Variants in CNTNAP2 observed in about 807,000 individuals in gnomAD.
CNTNAP2 encodes the protein contactin-associated protein-like 2.
In CNTNAP2, 98 loss-of-function variants were observed where a neutral mutation model predicts 155.2. The observed-to-expected ratio is 0.63, with a 90% confidence interval of 0.54 to 0.75. CNTNAP2 has a LOEUF of 0.75. Ranked by LOEUF, CNTNAP2 falls within the 30% of genes least tolerant of loss-of-function variation. CNTNAP2 has a pLI of 0.00. For synonymous variants in CNTNAP2, 651 were observed against 631.2 expected (o/e 1.03, Z -0.47); for missense variants, 1,727 against 1,688.1 (o/e 1.02, Z -0.40).
chr7:146,459,051 T>G (rs1796598372), intron 1 of CNTNAP2, among the ~76,000 whole-genome samples: 1 of 152,100 alleles, frequency 6.6e-6, no homozygotes, highest in African/African-American at 2.4e-5. Flanking sequence ...TACTTAACAA[T>G]CAGAAGGCAA....
chr7:146,976,162 G>A (rs1284141197), intron 3 of CNTNAP2, among the ~76,000 whole-genome samples: 1 of 152,322 alleles, frequency 6.6e-6, no homozygotes, highest in East Asian at 1.9e-4. Flanking sequence ...GGCCAGGTGT[G>A]AGGTAAAAAC....
At chr7:146,393,462 G>C (rs982019370) in intron 1 of CNTNAP2, among the ~76,000 whole-genome samples, 1 of 152,124 alleles carries the variant, frequency 6.6e-6, no homozygotes, top group South Asian at 2.1e-4. Context: ...GTCTTGCATT[G>C]TGAGGTTAAT....
intron 1 of CNTNAP2, among the ~76,000 whole-genome samples, chr7:146,650,689 TAAAG>T (rs1248372890): frequency 1.3e-5 from 2 of 152,028 alleles, no homozygotes; most frequent in Non-Finnish European, 2.9e-5. Flanking sequence ...TAAAGTATAA[TAAAG>T]AAATATATAA....
Position 147,420,484 on chromosome 7 carries a change from A to G in CNTNAP2, c.1670+24704A>G, listed in dbSNP as rs113045750. Among the ~76,000 whole-genome samples the G allele has an allele frequency of 4.9e-4, 75 of 152,322 alleles. 1 individual carries two copies. The highest frequency in any genetic ancestry group is 1.8e-3 in the African/African-American group (73 of 41,574). On this transcript the variant is annotated intron_variant, in intron 10 of 23. Coordinates refer to ENST00000361727, the MANE Select transcript of CNTNAP2 (RefSeq NM_014141.6). ...CTCCCCAAGTATTTCCAAATAATTA[A>G]TGTATTCATTGAATGATATTTATTG... is the stretch of plus-strand genomic sequence containing the variant.
chr7:146,540,970 C>CT (rs1432328312), intron 1 of CNTNAP2, among the ~76,000 whole-genome samples: 1 of 151,970 alleles, frequency 6.6e-6, no homozygotes, highest in African/African-American at 2.4e-5. Flanking sequence ...TAACTTGTCT[C>CT]TATCATTTTT....
rs917959230 is a variant in CNTNAP2, at chr7:147,346,157, T to A, written c.1498+45867T>A. On this transcript the variant is annotated intron_variant, in intron 9 of 23. Coordinates refer to ENST00000361727, the MANE Select transcript of CNTNAP2 (RefSeq NM_014141.6). Reference sequence around the variant, plus strand: ...TATTTTATTTTATTTTATTTTATTTTTTTTTTTTGAGACAGAGTCTCGCTC... The same window carrying A: ...TATTTTATTTTATTTTATTTTATTTATTTTTTTTGAGACAGAGTCTCGCTC... Among the ~76,000 whole-genome samples the A allele has an allele frequency of 1.1e-4, 16 of 149,580 alleles. 1 individual carries two copies. Among genetic ancestry groups the A allele is most frequent in the Admixed American group, 2.0e-4 (3 of 15,062 alleles).
intron 12 of CNTNAP2, among the ~76,000 whole-genome samples, chr7:147,567,789 A>T (rs972396941): frequency 2.7e-5 from 4 of 150,022 alleles, no homozygotes; most frequent in African/African-American, 4.9e-5. Flanking sequence ...TGAACACATT[A>T]AAAAAAAAAT....
intron 13 of CNTNAP2, among the ~76,000 whole-genome samples, chr7:147,801,118 T>C (rs1195893943): frequency 6.6e-6 from 1 of 152,170 alleles, no homozygotes; most frequent in Non-Finnish European, 1.5e-5. Context: ...ATGTGTGCTC[T>C]GTTTATTATC....
In CNTNAP2 at chr7:148,383,826, C is replaced by A; in HGVS notation, c.3653C>A (p.Pro1218Gln). 6.2e-7 allele frequency: 1 copy of A among 1,614,114 alleles called. No homozygotes were observed. The highest frequency in any genetic ancestry group is 1.6e-4 in the Middle Eastern group (1 of 6,062). The change falls in exon 22 of 24, where the codon CCG becomes CAG. Residue 1218 changes from proline to glutamine, a missense_variant. Coordinates refer to ENST00000361727, the MANE Select transcript of CNTNAP2 (RefSeq NM_014141.6). ...GTGGAGTCCAACTGCGGGGCCTCGC[C>A]GCTGACCCTCTCCCCCATGTCGTCC... ...ELVESNCGAS[P>Q]LTLSPMSSAT... is the part of the protein sequence containing the mutation.
chr7:146,761,750 G>A (rs1016334172), intron 1 of CNTNAP2, among the ~76,000 whole-genome samples: 1 of 151,832 alleles, frequency 6.6e-6, no homozygotes, highest in East Asian at 1.9e-4. Context: ...TTTCAATTGC[G>A]ATTATCCCAT....
At chr7:146,254,159 ACACAAG>A (rs61281852) in intron 1 of CNTNAP2, among the ~76,000 whole-genome samples, 3,378 of 138,046 alleles carry the variant, frequency 0.024, 135 homozygotes, top group African/African-American at 0.095. Flanking sequence ...ACACACACAC[ACACAAG>A]CAAACACACA....
chr7:146,855,519 A>C (rs1794956838), intron 3 of CNTNAP2, among the ~76,000 whole-genome samples: 1 of 152,084 alleles, frequency 6.6e-6, no homozygotes, highest in African/African-American at 2.4e-5. Context: ...GATAAAATAT[A>C]AGTTGACATG....
chr7:146,408,918 C>T (rs571037134), intron 1 of CNTNAP2, among the ~76,000 whole-genome samples: 23 of 151,896 alleles, frequency 1.5e-4, no homozygotes, highest in African/African-American at 5.3e-4. Flanking sequence ...AAATCCACAC[C>T]GAATTCACAT....
intron 8 of CNTNAP2, among the ~76,000 whole-genome samples, chr7:147,214,255 A>G (rs1031883940): frequency 3.3e-5 from 5 of 152,160 alleles, no homozygotes; most frequent in Non-Finnish European, 7.3e-5. Context: ...ATAACTAGGA[A>G]TGTTAGCAAA....
chr7:148,221,695 A>G (rs976152666), intron 19 of CNTNAP2, among the ~76,000 whole-genome samples: 3 of 152,190 alleles, frequency 2.0e-5, no homozygotes, highest in African/African-American at 4.8e-5. Context: ...CATCACTCAC[A>G]TTTCACATAT....
chr7:146,979,476 C>A (rs891927848), intron 3 of CNTNAP2, among the ~76,000 whole-genome samples: 2 of 152,150 alleles, frequency 1.3e-5, no homozygotes, highest in Non-Finnish European at 2.9e-5. Flanking sequence ...CACCCTTGCC[C>A]CACAATTACA....
intron 1 of CNTNAP2, among the ~76,000 whole-genome samples, chr7:146,493,714 A>G (rs1405021971): frequency 3.3e-5 from 5 of 152,154 alleles, no homozygotes; most frequent in Admixed American, 6.5e-5. Flanking sequence ...TGTTCTTGGT[A>G]AAAACAGACA....
At chr7:147,958,334 A>C (rs540847480) in intron 14 of CNTNAP2, among the ~76,000 whole-genome samples, 25 of 152,318 alleles carry the variant, frequency 1.6e-4, no homozygotes, top group African/African-American at 6.0e-4. Context: ...GCTTATTTGT[A>C]GAAGCTATTT....
intron 21 of CNTNAP2, among the ~76,000 whole-genome samples, chr7:148,288,944 CAAA>C (rs58641348): frequency 0.25 from 24,971 of 98,830 alleles, 1,757 homozygotes; most frequent in East Asian, 0.46. Context: ...TCTTATTCAG[CAAA>C]AAAAAAAAAA....
Sources: allele counts gnomAD v4.1 joint callset (sites outside exome capture counted in the v4.1 genomes callset), GRCh38; gene constraint gnomAD v4.1.1; transcripts MANE v1.5; gene names NCBI Gene and HGNC (gene_info 2026-07-23, HGNC 2026-07-21).